The following OR5D3 variants were observed in gnomAD, a reference collection of about 807,000 sequenced individuals.
OR5D3 encodes the protein olfactory receptor 5D3.
the OR5D3 span, chr11:55,726,714 T>G: frequency 2.5e-6 from 1 of 399,188 alleles, no homozygotes. Context: ...TGACTTTATC[T>G]TTTTGTAGGA....
the OR5D3 span, among the ~76,000 whole-genome samples, chr11:55,724,491 T>G: frequency 1.3e-5 from 2 of 151,956 alleles, no homozygotes; most frequent in East Asian, 3.9e-4. Context: ...GATGGTAAAA[T>G]AAAGCATTAT....
At chr11:55,726,337 A>T in the OR5D3 span, 3 of 457,708 alleles carry the variant, frequency 6.6e-6, no homozygotes, top group Admixed American at 1.0e-4. Context: ...TGTGATGGGG[A>T]ATCTGGGCAT....
At chr11:55,725,200 A>T in the OR5D3 span, among the ~76,000 whole-genome samples, 1 of 152,034 alleles carries the variant, frequency 6.6e-6, no homozygotes, top group African/African-American at 2.4e-5. Context: ...TAACCACTAC[A>T]TTCATTAGCA....
the OR5D3 span, chr11:55,726,911 G>T: frequency 7.5e-6 from 3 of 399,232 alleles, no homozygotes; most frequent in Non-Finnish European, 1.3e-5. Flanking sequence ...TCCACTGGGG[G>T]GCGCAAGAAA....
the OR5D3 span, chr11:55,728,307 C>A: frequency 6.6e-6 from 1 of 152,016 alleles, no homozygotes; most frequent in Admixed American, 6.5e-5. Context: ...TTATCTATTT[C>A]TTGTAGAACT....
chr11:55,726,342 G>A, the OR5D3 span: 1 of 460,396 alleles, frequency 2.2e-6, no homozygotes. Context: ...TGGGGAATCT[G>A]GGCATGATCA....
the OR5D3 span, chr11:55,726,961 A>G: frequency 2.5e-6 from 1 of 400,220 alleles, no homozygotes; most frequent in Non-Finnish European, 4.4e-6. Flanking sequence ...CGCCATTACC[A>G]TTTTCCATGG....
chr11:55,724,068 G>GT, the OR5D3 span: 5 of 397,428 alleles, frequency 1.3e-5, no homozygotes, highest in Middle Eastern at 6.3e-4. Context: ...AGTTGATTTA[G>GT]TTTTTTTAAA....
At chr11:55,728,984 G>A in the OR5D3 span, 1 of 151,906 alleles carries the variant, frequency 6.6e-6, no homozygotes, top group Admixed American at 6.6e-5. Context: ...TATTCAATAA[G>A]GTTTCCAGGA....
chr11:55,728,588 A>G, the OR5D3 span: 3 of 152,240 alleles, frequency 2.0e-5, no homozygotes, highest in Admixed American at 6.5e-5. Flanking sequence ...ATTAAGGCTT[A>G]CAAGCACAGA....
At chr11:55,724,252 C>T in the OR5D3 span, among the ~76,000 whole-genome samples, 1 of 151,970 alleles carries the variant, frequency 6.6e-6, no homozygotes, top group South Asian at 2.1e-4. Flanking sequence ...TTTTCTCATT[C>T]GGCTCCCACC....
At chr11:55,726,885 T>G in the OR5D3 span, 1 of 399,152 alleles carries the variant, frequency 2.5e-6, no homozygotes, top group Non-Finnish European at 4.4e-6. Flanking sequence ...TTTTTATCAC[T>G]GTCATGAAGA....
chr11:55,726,114 A>C, the OR5D3 span: 327 of 397,188 alleles, frequency 8.2e-4, 1 homozygote, highest in Non-Finnish European at 1.3e-3. Context: ...AACACTCTTA[A>C]TAAAGACCCA....
the OR5D3 span, chr11:55,724,066 T>C: frequency 2.5e-6 from 1 of 394,882 alleles, no homozygotes; most frequent in Non-Finnish European, 4.4e-6. Flanking sequence ...TGAGTTGATT[T>C]AGTTTTTTTA....
At chr11:55,729,367 A>T in the OR5D3 span, 1 of 151,996 alleles carries the variant, frequency 6.6e-6, no homozygotes, top group Non-Finnish European at 1.5e-5. Context: ...CAGTAGGTAT[A>T]AATGTGACTT....
At chr11:55,723,896 A>G in the OR5D3 span, 2 of 386,286 alleles carry the variant, frequency 5.2e-6, no homozygotes, top group Non-Finnish European at 9.2e-6. Context: ...TAAAAAAGTA[A>G]CATTTAAAAT....
chr11:55,726,283 C>T, the OR5D3 span: 1 of 415,026 alleles, frequency 2.4e-6, no homozygotes, highest in Admixed American at 4.2e-5. Flanking sequence ...TCCAGACCTT[C>T]AGATACCCCT....
chr11:55,726,215 G>A, the OR5D3 span: 133 of 398,936 alleles, frequency 3.3e-4, 2 homozygotes, highest in African/African-American at 2.5e-3. Context: ...TTTTCTCACA[G>A]GATTCAAAAA....
chr11:55,728,692 C>A, the OR5D3 span: 1 of 152,126 alleles, frequency 6.6e-6, no homozygotes, highest in South Asian at 2.1e-4. Context: ...AATAAAAATT[C>A]AATAACTTTT....
Sources: gnomAD v4.1 joint callset for allele counts (sites outside exome capture counted in the v4.1 genomes callset) on GRCh38, gnomAD v4.1.1 for gene constraint, MANE v1.5 for transcripts, NCBI Gene and HGNC (gene_info 2026-07-23, HGNC 2026-07-21) for gene names.